Variants in PCTP observed in about 807,000 individuals in gnomAD.
The protein encoded by PCTP is START domain-containing protein 2.
A neutral mutation model predicts 31.0 loss-of-function variants in PCTP; 27 were observed. The ratio of observed to expected loss-of-function variants is 0.87; its 90% confidence interval spans 0.64 to 1.20. The LOEUF is 1.20. PCTP is among the 50% of genes most tolerant of loss of function. The probability of loss-of-function intolerance (pLI) is 0.00; values close to 1 mark genes in which losing one functional copy is unlikely to be tolerated. For missense variants in PCTP, 287 were observed against 268.2 expected (o/e 1.07, Z -0.49); for synonymous variants, 108 against 101.2 (o/e 1.07, Z -0.40).
intron 1 of PCTP, among the ~76,000 whole-genome samples, chr17:55,762,211 A>G (rs1263379107): frequency 6.6e-6 from 1 of 152,166 alleles, no homozygotes; most frequent in Admixed American, 6.6e-5. Context: ...GATGGGCCAA[A>G]GTTCAGGGGC....
Position 55,767,346 on chromosome 17 carries a change from TTATGAG to T in PCTP, c.157_162del (p.Glu53_Tyr54del). 1 of 1,607,522 alleles carries T rather than the reference TTATGAG, an allele frequency of 6.2e-7. No individual in the cohort carries two copies. The highest frequency in any genetic ancestry group is 1.3e-5 in the African/African-American group (1 of 74,862). On this transcript the variant is annotated inframe_deletion, in exon 2 of 6. Coordinates refer to ENST00000268896, the MANE Select transcript of PCTP (RefSeq NM_021213.4). Reference sequence around the variant, plus strand: ...TTCTGTTTTTATAGAAGACTGGACTTTATGAGTATAAAGTCTTTGGTGTTCTGGAGG... The same window carrying T: ...TTCTGTTTTTATAGAAGACTGGACTTTATAAAGTCTTTGGTGTTCTGGAGG...
chr17:55,846,401 T>G (rs1906151024), downstream of PCTP, among the ~76,000 whole-genome samples: 1 of 152,134 alleles, frequency 6.6e-6, no homozygotes, highest in Non-Finnish European at 1.5e-5. Context: ...ATATCGCTGC[T>G]ACATCAATAA....
At chr17:55,847,901 A>G in the PCTP span, among the ~76,000 whole-genome samples, 1 of 152,032 alleles carries the variant, frequency 6.6e-6, no homozygotes. Context: ...CATATCCAGA[A>G]TAATGTTTTT....
intron 3 of PCTP, among the ~76,000 whole-genome samples, chr17:55,772,335 C>T (rs1911052826): frequency 6.6e-6 from 1 of 152,006 alleles, no homozygotes; most frequent in East Asian, 1.9e-4. Flanking sequence ...CGCCTGTAAT[C>T]CCAACACTTT....
At chr17:55,819,024 A>AC (rs1913025173) in intron 3 of PCTP, among the ~76,000 whole-genome samples, 2 of 150,828 alleles carry the variant, frequency 1.3e-5, no homozygotes, top group South Asian at 4.2e-4. Context: ...AAAAAAAAAA[A>AC]AAAAAAAAAA....
downstream of PCTP, among the ~76,000 whole-genome samples, chr17:55,824,830 C>T (rs1905345809): frequency 6.6e-6 from 1 of 152,292 alleles, no homozygotes; most frequent in African/African-American, 2.4e-5. Flanking sequence ...CCTTGGTACA[C>T]CCAAAGCACG....
chr17:55,801,567 A>G (rs1174059768), intron 3 of PCTP, among the ~76,000 whole-genome samples: 4 of 152,192 alleles, frequency 2.6e-5, no homozygotes, highest in Non-Finnish European at 4.4e-5. Flanking sequence ...AACTCACTCA[A>G]AAGCACAGAA....
chr17:55,781,554 A>G (rs1269212661), downstream of PCTP, among the ~76,000 whole-genome samples: 3 of 152,240 alleles, frequency 2.0e-5, no homozygotes, highest in Admixed American at 6.5e-5. Context: ...GCACCACATC[A>G]TGATGTTTCA....
At chr17:55,818,670 T>C (rs1029698218) in intron 3 of PCTP, among the ~76,000 whole-genome samples, 2 of 152,164 alleles carry the variant, frequency 1.3e-5, no homozygotes, top group Non-Finnish European at 2.9e-5. Flanking sequence ...AAAAGGAAAT[T>C]CTTCTGTCTG....
chr17:55,845,892 G>A (rs1192952608), downstream of PCTP, among the ~76,000 whole-genome samples: 3 of 128,880 alleles, frequency 2.3e-5, no homozygotes, highest in Non-Finnish European at 5.0e-5. Context: ...GTTGGGGTGT[G>A]TGTGTGTGTG....
chr17:55,779,620 C>A (rs192169694), downstream of PCTP, among the ~76,000 whole-genome samples: 42 of 152,132 alleles, frequency 2.8e-4, no homozygotes, highest in Non-Finnish European at 3.8e-4. Context: ...TCTCAATAAG[C>A]TTTGAAAGAT....
chr17:55,768,577 G>A (rs1910813928), intron 2 of PCTP, among the ~76,000 whole-genome samples: 1 of 152,088 alleles, frequency 6.6e-6, no homozygotes, highest in Non-Finnish European at 1.5e-5. Context: ...CTAGGTCTTC[G>A]ACTACTGTTA....
the PCTP span, among the ~76,000 whole-genome samples, chr17:55,852,325 C>T: frequency 3.3e-5 from 5 of 152,060 alleles, no homozygotes; most frequent in East Asian, 7.7e-4. Flanking sequence ...CTGGAAAAGT[C>T]GTGGTACTGT....
At chr17:55,842,703 T>A (rs1906023279) in intron 5 of PCTP, 1 of 152,230 alleles carries the variant, frequency 6.6e-6, no homozygotes, top group Non-Finnish European at 1.5e-5. Context: ...TCAGTTTATT[T>A]GCTCTCTGTT....
intron 3 of PCTP, among the ~76,000 whole-genome samples, chr17:55,819,197 C>T (rs541493776): frequency 3.3e-5 from 5 of 152,062 alleles, no homozygotes; most frequent in Non-Finnish European, 7.4e-5. Context: ...CCACAGCTAA[C>T]ATACTTAATT....
At chr17:55,822,622 C>G in intron 3 of PCTP, 1 of 401,368 alleles carries the variant, frequency 2.5e-6, no homozygotes, top group Non-Finnish European at 4.3e-6. Flanking sequence ...TTCTATTCCT[C>G]GTGATCCAGA....
At chr17:55,804,739 G>A (rs913664229) in intron 3 of PCTP, among the ~76,000 whole-genome samples, 1 of 152,070 alleles carries the variant, frequency 6.6e-6, no homozygotes, top group African/African-American at 2.4e-5. Flanking sequence ...GGGAGGGATA[G>A]CATTAGGAGA....
intron 1 of PCTP, among the ~76,000 whole-genome samples, chr17:55,757,651 T>TATAG (rs138861693): frequency 1.3e-5 from 2 of 151,992 alleles, no homozygotes; most frequent in African/African-American, 2.4e-5. Context: ...TATGTATGTG[T>TATAG]ATAGATAGAT....
intron 5 of PCTP, among the ~76,000 whole-genome samples, chr17:55,842,122 C>T (rs1906002984): frequency 6.6e-6 from 1 of 151,992 alleles, no homozygotes; most frequent in Non-Finnish European, 1.5e-5. Context: ...GTGAACTTTA[C>T]ATTTTTGGGG....
Sources: allele counts gnomAD v4.1 joint callset (sites outside exome capture counted in the v4.1 genomes callset), GRCh38; gene constraint gnomAD v4.1.1; transcripts MANE v1.5; gene names NCBI Gene and HGNC (gene_info 2026-07-23, HGNC 2026-07-21).